CHD1: variants seen among roughly 807,000 people sequenced by gnomAD.
CHD1 encodes the protein chromodomain helicase DNA binding protein 1.
Under a neutral mutation model 224.2 loss-of-function variants are expected in CHD1, and 36 were observed. The observed-to-expected ratio is 0.16, with a 90% CI of 0.12 to 0.21. CHD1 has a LOEUF of 0.21. Ranked by LOEUF, CHD1 falls within the 10% of genes least tolerant of loss-of-function variation. The probability of loss-of-function intolerance (pLI) is 1.00; values close to 1 mark genes in which losing one functional copy is unlikely to be tolerated. For synonymous variants in CHD1, 668 were observed against 658.3 expected, an observed-to-expected ratio of 1.01 and a Z score of -0.23; for missense variants, 1,378 against 1,994.8, an observed-to-expected ratio of 0.69 and a Z score of 5.89.
At chr5:98,904,691 T>C (rs151238580) in intron 3 of CHD1, among the ~76,000 whole-genome samples, 4 of 152,242 alleles carry the variant, frequency 2.6e-5, no homozygotes, top group African/African-American at 9.6e-5. Flanking sequence ...ATTTACACTT[T>C]GTGTTTTCTA....
intron 31 of CHD1, among the ~76,000 whole-genome samples, chr5:98,866,395 A>G (rs1436979822): frequency 3.9e-5 from 6 of 152,196 alleles, no homozygotes; most frequent in African/African-American, 1.4e-4. Context: ...ATATTAGGGC[A>G]TGTTGTGGAA....
rs370090244 is a variant in CHD1, at chr5:98,876,530, C to A, written c.3266G>T (p.Arg1089Leu). Reference sequence around the variant, plus strand: ...TCCAGAGTATCTCCTACTTCTACTGCGCCTCCCTTCACTTCCATTGAAACT... The same window carrying A: ...TCCAGAGTATCTCCTACTTCTACTGAGCCTCCCTTCACTTCCATTGAAACT... Reference protein sequence around the residue: ...QISFNGSEGRRSRSRRYSGSD... With the variant: ...QISFNGSEGRLSRSRRYSGSD... Residue 1089 changes from arginine to leucine, a missense_variant, in exon 24 of 36, where the codon CGC becomes CTC. Arg to Leu is a moderately radical substitution (Grantham distance 102). This residue lies in a region of CHD1 where 286 missense variants were observed against 445.1 expected (regional missense o/e 0.64). Transcript: ENST00000614616. 6.2e-7 allele frequency: 1 copy of A among 1,613,576 alleles called. No homozygotes were observed. Among genetic ancestry groups the A allele is most frequent in the Non-Finnish European group, 8.5e-7 (1 of 1,179,750 alleles).
chr5:98,892,261 TATAAG>T (rs1190994291), intron 15 of CHD1, among the ~76,000 whole-genome samples: 19 of 152,302 alleles, frequency 1.2e-4, no homozygotes, highest in South Asian at 4.1e-4. Context: ...TTAAACTCTT[TATAAG>T]ATAACAGTAT....
At chr5:98,863,145 T>C (rs890276337) in intron 32 of CHD1, among the ~76,000 whole-genome samples, 9 of 152,064 alleles carry the variant, frequency 5.9e-5, no homozygotes, top group African/African-American at 9.7e-5. Context: ...TCAAATAAAA[T>C]GCAATCTGAA....
intron 5 of CHD1, 143 bp downstream of exon 5, chr5:98,902,757 A>G (rs1751801767): frequency 3.6e-6 from 2 of 548,262 alleles, no homozygotes; most frequent in Non-Finnish European, 6.4e-6. Context: ...TAAATTGTGT[A>G]ATGGTGTAAA....
chr5:98,910,862 G>A (rs1752342576), intron 2 of CHD1, among the ~76,000 whole-genome samples: 1 of 151,526 alleles, frequency 6.6e-6, no homozygotes, highest in South Asian at 2.1e-4. Context: ...TCAGTTCTCT[G>A]ATTCTACAAA....
At chr5:98,923,531 C>A (rs1753246727) in intron 2 of CHD1, among the ~76,000 whole-genome samples, 1 of 151,898 alleles carries the variant, frequency 6.6e-6, no homozygotes, top group Non-Finnish European at 1.5e-5. Flanking sequence ...AGCAATTCTC[C>A]TGCCTCAGCC....
intron 2 of CHD1, among the ~76,000 whole-genome samples, chr5:98,915,664 G>C (rs1752686028): frequency 6.6e-6 from 1 of 152,098 alleles, no homozygotes; most frequent in African/African-American, 2.4e-5. Context: ...AAACCTTAAT[G>C]ACTTTTTTCA....
At position 98,858,186 on chromosome 5, in the gene CHD1, T is replaced by A. The variant is rs780610355; in HGVS notation, c.4781A>T (p.Asp1594Val). ...AAGTGACTGCCAAGTTTACCTGCTG[T>A]CTTGCTTGTAGTGATCCCAATCACG... The part of the protein sequence containing the change: ...DHRDWDHYKQ[D>V]SRYYSDREKH... The change falls in exon 35 of 36, where the codon GAC (aspartate) becomes GTC (valine). Residue 1594 changes from aspartate to valine, a missense_variant. Physicochemically the swap from Asp to Val is radical, Grantham distance 152. Coordinates refer to ENST00000614616, the MANE Select transcript of CHD1 (RefSeq NM_001270.4). 1 of 1,612,378 alleles carries A rather than the reference T, an allele frequency of 6.2e-7. No individual in the cohort carries two copies. Among genetic ancestry groups the A allele is most frequent in the Non-Finnish European group, 8.5e-7 (1 of 1,178,846 alleles).
At chr5:98,882,811 A>C (rs1695851414) in intron 19 of CHD1, among the ~76,000 whole-genome samples, 1 of 152,210 alleles carries the variant, frequency 6.6e-6, no homozygotes, top group African/African-American at 2.4e-5. Context: ...AGACGTTTTA[A>C]AGTTTTTATT....
chr5:98,896,203 A>C (rs775909368), intron 12 of CHD1, 23 bp downstream of exon 12: 1 of 1,571,978 alleles, frequency 6.4e-7, no homozygotes, highest in East Asian at 2.2e-5. Context: ...TTTGATTTCT[A>C]CATTTACAGG....
chr5:98,877,274 T>G (rs1440832943), intron 23 of CHD1, among the ~76,000 whole-genome samples: 3 of 152,212 alleles, frequency 2.0e-5, no homozygotes, highest in Non-Finnish European at 2.9e-5. Context: ...TGTAGAATAA[T>G]TAACATTCAT....
intron 5 of CHD1, 133 bp from the exon 6 acceptor site, chr5:98,901,468 G>T: frequency 4.5e-6 from 3 of 660,716 alleles, no homozygotes; most frequent in Non-Finnish European, 7.1e-6. Context: ...TGCTAAAAAT[G>T]AAATATTTAT....
Position 98,928,754 on chromosome 5 carries a change from C to A in CHD1, c.-364G>T, listed in dbSNP as rs1753683452. 3 of 154,492 alleles carry A rather than the reference C, an allele frequency of 1.9e-5. No homozygotes were observed. The South Asian group carries it at 5.0e-4, about 26-fold the overall frequency. The allele number at this position is 154,492 out of a possible 1,614,324, so 9.6% of individuals were successfully genotyped here. A position where few individuals can be genotyped will look rare whatever the true frequency, so the allele number is the denominator to read the frequency against. ...CCCCTGCGGAGTGGAGCTAACAATT[C>A]ATTATTGAAGCACCAAGGGCGAGGG... On this transcript the variant is annotated 5_prime_UTR_variant, in exon 1 of 36. It removes an upstream start codon present in the reference 5' UTR. Coordinates refer to ENST00000614616, the MANE Select transcript of CHD1 (RefSeq NM_001270.4).
intron 2 of CHD1, among the ~76,000 whole-genome samples, chr5:98,907,456 C>T (rs1237633986): frequency 1.3e-5 from 2 of 151,820 alleles, no homozygotes; most frequent in African/African-American, 2.4e-5. Context: ...GGCATGGTGG[C>T]GCATGCCTGT....
At position 98,898,385 on chromosome 5, in the gene CHD1, T is replaced by C; in HGVS notation, c.1236A>G (p.Lys412=). 1.9e-6 allele frequency: 3 copies of C among 1,595,768 alleles called. No individual in the cohort carries two copies. The highest frequency in any genetic ancestry group is 2.6e-6 in the Non-Finnish European group (3 of 1,172,852). ...SAAGYPDYYC[K]WQGLPYSECS... ...ACTCTGAGTATGGAAGGCCCTGCCA[T>C]TTGCAGTAATAATCAGGATAACCAG... The change falls in exon 10 of 36, where the codon AAA becomes AAG. Residue 412 remains lysine (K), a synonymous_variant. Coordinates refer to ENST00000614616, the MANE Select transcript of CHD1 (RefSeq NM_001270.4).
chr5:98,880,356 C>T (rs188088505), intron 22 of CHD1, among the ~76,000 whole-genome samples: 54 of 152,328 alleles, frequency 3.5e-4, no homozygotes, highest in Admixed American at 9.8e-4. Context: ...TAGCTCTTTC[C>T]TCACTACAGT....
rs576111273 is a variant in CHD1 at position 98,874,475 on chromosome 5, G to A, written c.3440+597C>T. ...TAGCCTTTGGGAGGCTGAGGCAGGC[G>A]GATCACCTGAATTCAGGAGTTCTAG... On this transcript the variant is annotated intron_variant, in intron 25 of 35. Coordinates refer to ENST00000614616, the MANE Select transcript of CHD1 (RefSeq NM_001270.4). Among the ~76,000 whole-genome samples the A allele has an allele frequency of 2.7e-5, 4 of 149,462 alleles. No homozygotes were observed. In the East Asian group the frequency reaches 5.9e-4, roughly 22 times the overall value.
At chr5:98,895,881 C>T (rs1410582503) in intron 12 of CHD1, among the ~76,000 whole-genome samples, 1 of 152,050 alleles carries the variant, frequency 6.6e-6, no homozygotes, top group Non-Finnish European at 1.5e-5. Flanking sequence ...GAAACAAAGA[C>T]TGTTATACAG....
Sources: allele counts gnomAD v4.1 joint callset (sites outside exome capture counted in the v4.1 genomes callset), GRCh38; gene constraint gnomAD v4.1.1; regional missense constraint gnomAD v4.1.1; transcripts MANE v1.5; gene names NCBI Gene and HGNC (gene_info 2026-07-23, HGNC 2026-07-21).